The following MAPKAP1 variants were observed in gnomAD, a reference collection of about 807,000 sequenced individuals.
MAPKAP1 encodes target of rapamycin complex 2 subunit MAPKAP1.
In MAPKAP1, 20 loss-of-function variants were observed where a neutral mutation model predicts 65.7. The ratio of observed to expected loss-of-function variants is 0.30; its 90% CI spans 0.21 to 0.44. The LOEUF (loss-of-function observed/expected upper bound fraction) is 0.44, where lower values mean the gene tolerates loss of function less well. MAPKAP1 is among the 20% of genes least tolerant of loss of function. The probability of loss-of-function intolerance (pLI) is 1.00; values close to 1 mark genes in which losing one functional copy is unlikely to be tolerated. For missense variants in MAPKAP1, 423 were observed against 648.0 expected (o/e 0.65, Z 3.77); for synonymous variants, 222 against 244.3 (o/e 0.91, Z 0.85).
intron 9 of MAPKAP1, among the ~76,000 whole-genome samples, chr9:125,482,719 C>T (rs1174547533): frequency 6.6e-6 from 1 of 152,064 alleles, no homozygotes; most frequent in Non-Finnish European, 1.5e-5. Context: ...TATGTCATTT[C>T]ACTTAAAGTT....
intron 4 of MAPKAP1, among the ~76,000 whole-genome samples, chr9:125,625,236 T>A (rs1352393042): frequency 9.2e-5 from 5 of 54,450 alleles, no homozygotes; most frequent in African/African-American, 2.9e-4. Flanking sequence ...GAATTATCAA[T>A]AAAAAAAAAA....
chr9:125,650,036 T>C (rs182350509), intron 4 of MAPKAP1, among the ~76,000 whole-genome samples: 1 of 152,182 alleles, frequency 6.6e-6, no homozygotes. Flanking sequence ...GACCAGGAAA[T>C]CATCCTTCAA....
chr9:125,564,047 G>A (rs575770723), intron 5 of MAPKAP1, among the ~76,000 whole-genome samples: 4 of 152,334 alleles, frequency 2.6e-5, no homozygotes, highest in African/African-American at 9.6e-5. Flanking sequence ...GTGTTAATGA[G>A]AAGAGGGAAA....
chr9:125,629,111 G>A (rs1833199348), intron 4 of MAPKAP1, among the ~76,000 whole-genome samples: 1 of 150,604 alleles, frequency 6.6e-6, no homozygotes, highest in African/African-American at 2.5e-5. Context: ...AAAAAGTGTT[G>A]CAAAGGATGT....
chr9:125,669,379 T>C (rs980128617), intron 3 of MAPKAP1, among the ~76,000 whole-genome samples: 4 of 148,820 alleles, frequency 2.7e-5, no homozygotes, highest in Non-Finnish European at 4.5e-5. Flanking sequence ...ACTGAGGACG[T>C]TGAGGCAGGA....
rs543195344 is a variant in MAPKAP1 at position 125,480,453 on chromosome 9, C to A, written c.1207+3990G>T. ...CACAAGTGACGCCCCAGCCTCCAGT[C>A]GCCTCACTTCCAACAACCAGGGAGA... On this transcript the variant is annotated intron_variant, in intron 9 of 11. Coordinates refer to ENST00000265960, the MANE Select transcript of MAPKAP1 (RefSeq NM_001006617.3). Among the ~76,000 whole-genome samples, 6 of 152,246 alleles carry A rather than the reference C, an allele frequency of 3.9e-5. No individual in the cohort carries two copies. In the South Asian group the frequency reaches 1.2e-3, roughly 32 times the overall value.
Position 125,536,657 on chromosome 9 carries a change from T to C in MAPKAP1, c.958+6402A>G, listed in dbSNP as rs183814163. Among the ~76,000 whole-genome samples, 63 of 152,312 alleles carry C rather than the reference T, an allele frequency of 4.1e-4. No homozygotes were observed. In the East Asian group the frequency reaches 0.012, roughly 28 times the overall value. On this transcript the variant is annotated intron_variant, in intron 7 of 11. Transcript: ENST00000265960. ...GCTACAGCATAAGGAAATCACAAAT[T>C]TGTGTCCCTGGCTTACAAACTCTAC...
rs563089944 is a variant in MAPKAP1, at chr9:125,492,606, T to C, written c.1067-8023A>G. 2.4e-4 allele frequency among the ~76,000 whole-genome samples: 37 copies of C among 152,356 alleles called. No homozygotes were observed. The Middle Eastern group carries it at 0.01, about 42-fold the overall frequency. On this transcript the variant is annotated intron_variant, in intron 8 of 11. Coordinates refer to ENST00000265960, the MANE Select transcript of MAPKAP1 (RefSeq NM_001006617.3). ...ACAAATAGGACTAATCATTAAATCA[T>C]AGCTCAGATGAACTCACCGTATATT...
At chr9:125,573,539 T>C (rs1189285892) in intron 5 of MAPKAP1, among the ~76,000 whole-genome samples, 3 of 152,230 alleles carry the variant, frequency 2.0e-5, no homozygotes, top group African/African-American at 7.2e-5. Flanking sequence ...AGCCATTCTT[T>C]CATTTCTTTA....
chr9:125,487,739 C>G (rs1406801789), intron 8 of MAPKAP1, among the ~76,000 whole-genome samples: 3 of 151,980 alleles, frequency 2.0e-5, no homozygotes, highest in African/African-American at 4.8e-5. Context: ...ATGCCAGCTG[C>G]TAATAAAGCA....
chr9:125,479,953 C>T (rs1298628569), intron 9 of MAPKAP1, among the ~76,000 whole-genome samples: 1 of 152,216 alleles, frequency 6.6e-6, no homozygotes, highest in Non-Finnish European at 1.5e-5. Context: ...GGACCTGAAG[C>T]ACCTGGCTAG....
chr9:125,535,115 G>A (rs1265323498), intron 7 of MAPKAP1, among the ~76,000 whole-genome samples: 1 of 152,192 alleles, frequency 6.6e-6, no homozygotes, highest in African/African-American at 2.4e-5. Flanking sequence ...ATCTGGCCCT[G>A]CCTAGTTTCT....
intron 4 of MAPKAP1, among the ~76,000 whole-genome samples, chr9:125,617,868 C>A (rs185026922): frequency 1.3e-5 from 2 of 152,284 alleles, no homozygotes; most frequent in Admixed American, 1.3e-4. Flanking sequence ...AAGTAATATT[C>A]TTCCTCCCAA....
At chr9:125,544,257 C>T (rs1830355253) in intron 6 of MAPKAP1, among the ~76,000 whole-genome samples, 1 of 152,104 alleles carries the variant, frequency 6.6e-6, no homozygotes, top group Non-Finnish European at 1.5e-5. Flanking sequence ...ATCTGCCTGC[C>T]TCAGCTGCCC....
intron 7 of MAPKAP1, among the ~76,000 whole-genome samples, chr9:125,536,115 T>C (rs1032787649): frequency 6.6e-6 from 1 of 152,188 alleles, no homozygotes; most frequent in Non-Finnish European, 1.5e-5. Context: ...TCTAAAATAA[T>C]TGGGTCTCTA....
intron 4 of MAPKAP1, among the ~76,000 whole-genome samples, chr9:125,598,705 A>G (rs1313906495): frequency 1.3e-5 from 2 of 152,156 alleles, no homozygotes; most frequent in African/African-American, 4.8e-5. Context: ...CAAAATGTGG[A>G]TAATAAAAGT....
intron 4 of MAPKAP1, among the ~76,000 whole-genome samples, chr9:125,617,819 C>CA (rs1041974445): frequency 2.0e-4 from 30 of 152,252 alleles, no homozygotes; most frequent in African/African-American, 3.9e-4. Flanking sequence ...TGTGAGTGGT[C>CA]AGGGAGCAAG....
intron 4 of MAPKAP1, among the ~76,000 whole-genome samples, chr9:125,615,724 C>A (rs971485494): frequency 5.3e-5 from 8 of 152,070 alleles, no homozygotes; most frequent in African/African-American, 1.7e-4. Context: ...ATCAGCCTGG[C>A]CAACATGGCG....
rs150244887 is a variant in MAPKAP1 at position 125,600,572 on chromosome 9, T to C, written c.499-14845A>G. Among the ~76,000 whole-genome samples, 649 of 152,354 alleles carry C rather than the reference T, an allele frequency of 4.3e-3. 4 individuals carry two copies. Among genetic ancestry groups the C allele is most frequent in the African/African-American group, 0.015 (607 of 41,592 alleles). On this transcript the variant is annotated intron_variant, in intron 4 of 11. Transcript: ENST00000265960. ...AAATGTCAATTATTCCTTATTATTG[T>C]AATTTAAGCTGTTACTCAGACCAGG...
Sources: allele counts gnomAD v4.1 joint callset (sites outside exome capture counted in the v4.1 genomes callset), GRCh38; gene constraint gnomAD v4.1.1; transcripts MANE v1.5; gene names NCBI Gene and HGNC (gene_info 2026-07-23, HGNC 2026-07-21).